The following SEMA3A variants were observed in gnomAD, a reference collection of about 807,000 sequenced individuals.
SEMA3A encodes the protein semaphorin 3A.
SEMA3A carries 29 observed loss-of-function variants against 97.9 expected under a neutral mutation model. That is an observed-to-expected ratio of 0.30 (90% confidence interval 0.22 to 0.40). The LOEUF (loss-of-function observed/expected upper bound fraction) is 0.40. SEMA3A is among the 10% of genes least tolerant of loss of function. SEMA3A has a pLI of 1.00. For synonymous variants in SEMA3A, 321 were observed against 323.7 expected (o/e 0.99, Z 0.09); for missense variants, 763 against 951.3 (o/e 0.80, Z 2.60).
chr7:83,977,714 T>C (rs781754241), intron 14 of SEMA3A, among the ~76,000 whole-genome samples: 23 of 151,988 alleles, frequency 1.5e-4, no homozygotes, highest in Middle Eastern at 3.4e-3. Context: ...CTAAATTTTA[T>C]AATATTAAGA....
chr7:84,274,407 GT>G (rs1800240165), intron 3 of SEMA3A, among the ~76,000 whole-genome samples: 1 of 152,042 alleles, frequency 6.6e-6, no homozygotes, highest in African/African-American at 2.4e-5. Flanking sequence ...AAGAAAGAGA[GT>G]AGAGAAAAGT....
chr7:84,000,988 G>A (rs1217687959), intron 12 of SEMA3A, among the ~76,000 whole-genome samples: 1 of 151,434 alleles, frequency 6.6e-6, no homozygotes, highest in Non-Finnish European at 1.5e-5. Flanking sequence ...GACACCTGAA[G>A]ACTAAATGAG....
chr7:84,264,824 A>C (rs1368639836), intron 3 of SEMA3A, among the ~76,000 whole-genome samples: 1 of 152,196 alleles, frequency 6.6e-6, no homozygotes, highest in African/African-American at 2.4e-5. Flanking sequence ...GTCTCCTGTA[A>C]GTAATCCTGG....
chr7:83,977,130 AC>A lies in SEMA3A; in HGVS notation c.1717+1del. ...GGTTGAAAGATGAAAAATGTGACTT[AC>A]CATGGTGTAAGTCTGAACAGTGAGT... is the stretch of plus-strand genomic sequence containing the variant. On this transcript the variant is annotated splice_donor_variant, in intron 15 of 16. Coordinates refer to ENST00000265362, the MANE Select transcript of SEMA3A (RefSeq NM_006080.3). LOFTEE classifies it high-confidence loss of function. 1 of 1,537,166 alleles carries A rather than the reference AC, an allele frequency of 6.5e-7. No individual in the cohort carries two copies.
chr7:84,145,309 T>C (rs7803595), intron 1 of SEMA3A, among the ~76,000 whole-genome samples: 73,020 of 152,044 alleles, frequency 0.48, 18,686 homozygotes, highest in East Asian at 0.68. Flanking sequence ...TAAAATATGC[T>C]GTCTTTACTT....
intron 1 of SEMA3A, among the ~76,000 whole-genome samples, chr7:84,430,320 A>T (rs1462737768): frequency 6.6e-6 from 1 of 152,016 alleles, no homozygotes; most frequent in Non-Finnish European, 1.5e-5. Context: ...AAAAATTGAG[A>T]CATACTTATT....
At chr7:84,442,061 G>C (rs1217800333) in intron 1 of SEMA3A, among the ~76,000 whole-genome samples, 2 of 152,116 alleles carry the variant, frequency 1.3e-5, no homozygotes, top group Non-Finnish European at 1.5e-5. Context: ...TGAAGAAAGA[G>C]AGATCTCAGT....
At chr7:83,989,095 A>G (rs1284421305) in intron 12 of SEMA3A, among the ~76,000 whole-genome samples, 6 of 152,170 alleles carry the variant, frequency 3.9e-5, no homozygotes, top group Non-Finnish European at 5.9e-5. Context: ...TCACATGAAA[A>G]ATAGTTATGT....
intron 1 of SEMA3A, among the ~76,000 whole-genome samples, chr7:84,156,869 G>GT (rs1796860877): frequency 6.6e-6 from 1 of 152,056 alleles, no homozygotes; most frequent in Non-Finnish European, 1.5e-5. Flanking sequence ...TCCCAGAGCT[G>GT]GTTTTACAAT....
chr7:84,248,045 T>C (rs1015379282), intron 3 of SEMA3A, among the ~76,000 whole-genome samples: 14 of 152,186 alleles, frequency 9.2e-5, no homozygotes, highest in African/African-American at 3.1e-4. Flanking sequence ...AGTCATTCCC[T>C]TGTCACCATC....
intron 6 of SEMA3A, among the ~76,000 whole-genome samples, chr7:84,039,187 T>C (rs1272170162): frequency 6.6e-6 from 1 of 152,190 alleles, no homozygotes; most frequent in Non-Finnish European, 1.5e-5. Context: ...TTACCCTATA[T>C]ACACTGTCTC....
At chr7:84,357,769 G>T (rs76535653) in intron 2 of SEMA3A, among the ~76,000 whole-genome samples, 2 of 151,022 alleles carry the variant, frequency 1.3e-5, no homozygotes, top group Non-Finnish European at 2.9e-5. Context: ...AAAAGTGATC[G>T]TATTTCTCCA....
chr7:84,339,051 C>T (rs1318157756), intron 2 of SEMA3A, among the ~76,000 whole-genome samples: 1 of 152,072 alleles, frequency 6.6e-6, no homozygotes, highest in African/African-American at 2.4e-5. Context: ...ATATATATCC[C>T]ATATATTGCA....
At chr7:84,153,095 A>G (rs1299421445) in intron 1 of SEMA3A, among the ~76,000 whole-genome samples, 1 of 152,104 alleles carries the variant, frequency 6.6e-6, no homozygotes, top group Non-Finnish European at 1.5e-5. Context: ...CATTTAGTAA[A>G]TCAGAATCTA....
At chr7:84,222,595 A>G (rs924482154) in intron 3 of SEMA3A, among the ~76,000 whole-genome samples, 1 of 151,928 alleles carries the variant, frequency 6.6e-6, no homozygotes, top group Admixed American at 6.6e-5. Context: ...CTTTTGTTCT[A>G]AAGCTTAATA....
chr7:84,418,942 T>C (rs1804512965), intron 1 of SEMA3A, among the ~76,000 whole-genome samples: 1 of 149,502 alleles, frequency 6.7e-6, no homozygotes, highest in Non-Finnish European at 1.5e-5. Context: ...TACATATATC[T>C]ACACATATAT....
At chr7:84,354,810 T>G (rs1562916338) in intron 2 of SEMA3A, among the ~76,000 whole-genome samples, 1 of 151,868 alleles carries the variant, frequency 6.6e-6, no homozygotes, top group East Asian at 1.9e-4. Flanking sequence ...AACAAATAGT[T>G]GTATAATTGG....
intron 2 of SEMA3A, among the ~76,000 whole-genome samples, chr7:84,311,786 C>A (rs1801327510): frequency 6.6e-6 from 1 of 151,750 alleles, no homozygotes; most frequent in South Asian, 2.1e-4. Flanking sequence ...CAATTGAAAC[C>A]TTTTCATAGT....
At chr7:84,424,896 T>G (rs981633365) in intron 1 of SEMA3A, among the ~76,000 whole-genome samples, 23 of 71,336 alleles carry the variant, frequency 3.2e-4, no homozygotes, top group Non-Finnish European at 4.7e-4. Flanking sequence ...ATATAAATAA[T>G]TTATATAAAC....
Sources: allele counts gnomAD v4.1 joint callset (sites outside exome capture counted in the v4.1 genomes callset), GRCh38; gene constraint gnomAD v4.1.1; transcripts MANE v1.5; gene names NCBI Gene and HGNC (gene_info 2026-07-23, HGNC 2026-07-21).